FLVCR1: variants seen among roughly 807,000 people sequenced by gnomAD.
FLVCR1 encodes FLVCR choline and heme transporter 1, also known as choline/ethanolamine transporter FLVCR1.
Under a neutral mutation model 53.6 loss-of-function variants are expected in FLVCR1, and 34 were observed. That is an observed-to-expected ratio of 0.63 (90% CI 0.48 to 0.84). The LOEUF is 0.84. Among genes scored for constraint, FLVCR1 ranks in the 40% least tolerant of loss-of-function variants. The pLI is 0.00. For missense variants in FLVCR1, 677 were observed against 696.7 expected, an observed-to-expected ratio of 0.97 and a Z score of 0.32; for synonymous variants, 300 against 286.3, an observed-to-expected ratio of 1.05 and a Z score of -0.48.
In FLVCR1 at chr1:212,858,369, C is replaced by T. The variant is rs1664086694; in HGVS notation, c.-84C>T. 1.5e-6 allele frequency: 2 copies of T among 1,321,536 alleles called. No individual in the cohort carries two copies. Among genetic ancestry groups the T allele is most frequent in the East Asian group, 5.3e-5 (2 of 37,600 alleles). The allele number at this position is 1,321,536 out of a possible 1,614,324, so 81.9% of individuals were successfully genotyped here. ...GGGCCGAGGGGTTGGAGGTGGGGCC[C>T]CAGGAGGACCTCGGGCTGTGGGCCG... is the stretch of plus-strand genomic sequence containing the variant. On this transcript the variant is annotated 5_prime_UTR_variant, in exon 1 of 10. Transcript: ENST00000366971.
In FLVCR1 at chr1:212,858,691, G is replaced by A; in HGVS notation, c.239G>A (p.Arg80Gln). The change falls in exon 1 of 10, where the codon CGG (arginine) becomes CAG (glutamine). Residue 80 changes from arginine (R) to glutamine (Q), a missense_variant. By Grantham distance (43) the Arg-to-Gln change is conservative. Coordinates refer to ENST00000366971, the MANE Select transcript of FLVCR1 (RefSeq NM_014053.4). Reference sequence around the variant, plus strand: ...GCCCCAGAAGAGGAGACCCAGGCCCGGCTGCTGCCTGCGGGCGCGGGAGCT... The same window carrying A: ...GCCCCAGAAGAGGAGACCCAGGCCCAGCTGCTGCCTGCGGGCGCGGGAGCT... ...PLAPEEETQA[R>Q]LLPAGAGAET... 5.1e-6 allele frequency: 8 copies of A among 1,580,686 alleles called. No homozygotes were observed. The highest frequency in any genetic ancestry group is 6.9e-6 in the Non-Finnish European group (8 of 1,166,132).
In FLVCR1 at chr1:212,898,908, T is replaced by C. The variant is rs1027833868; in HGVS notation, c.*3618T>C. On this transcript the variant is annotated 3_prime_UTR_variant, in exon 10 of 10. Coordinates refer to ENST00000366971, the MANE Select transcript of FLVCR1 (RefSeq NM_014053.4). ...CAATGGTATCTGTGTAATCTAAACA[T>C]AGAACAGATAATACATTGTGCTACA... is the stretch of plus-strand genomic sequence containing the variant. The C allele has an allele frequency of 8.5e-5, 13 of 152,192 alleles. No individual in the cohort carries two copies. Among genetic ancestry groups the C allele is most frequent in the African/African-American group, 2.9e-4 (12 of 41,452 alleles). 9.4% of individuals were successfully genotyped at this position (152,192 alleles called of 1,614,324 possible).
chr1:212,894,395 C>A (rs895995837), intron 8 of FLVCR1, among the ~76,000 whole-genome samples: 1 of 152,050 alleles, frequency 6.6e-6, no homozygotes, highest in African/African-American at 2.4e-5. Flanking sequence ...CCTTGTGATC[C>A]ACCCACCTCG....
chr1:212,863,453 G>T (rs1314530652), intron 1 of FLVCR1, among the ~76,000 whole-genome samples: 1 of 152,018 alleles, frequency 6.6e-6, no homozygotes, highest in African/African-American at 2.4e-5. Flanking sequence ...GCTGGGCGTT[G>T]TGGCGCGCGC....
intron 3 of FLVCR1, among the ~76,000 whole-genome samples, chr1:212,878,307 C>G (rs1664821357): frequency 6.6e-6 from 1 of 152,054 alleles, no homozygotes; most frequent in Non-Finnish European, 1.5e-5. Flanking sequence ...TCGAGACCAT[C>G]CTGGCTAACA....
rs536197114 is a variant in FLVCR1, at chr1:212,876,581, G to T, written c.1024+3763G>T. 2.1e-3 allele frequency among the ~76,000 whole-genome samples: 323 copies of T among 152,102 alleles called. 1 individual carries two copies. Among genetic ancestry groups the T allele is most frequent in the African/African-American group, 7.3e-3 (301 of 41,482 alleles). On this transcript the variant is annotated intron_variant, in intron 3 of 9. Transcript: ENST00000366971. ...GGGTTTCACCATGTTGGCTAGGCTG[G>T]TCTCGAACTCCTGACCTCAGGTGAT... is the stretch of plus-strand genomic sequence containing the variant.
At chr1:212,887,688 G>A (rs2291773) in intron 5 of FLVCR1, among the ~76,000 whole-genome samples, 2 of 151,936 alleles carry the variant, frequency 1.3e-5, no homozygotes, top group Non-Finnish European at 2.9e-5. Flanking sequence ...CTGAGCATTC[G>A]ATATGGTGTG....
intron 8 of FLVCR1, among the ~76,000 whole-genome samples, chr1:212,891,881 T>C (rs1665203162): frequency 6.6e-6 from 1 of 152,232 alleles, no homozygotes; most frequent in Non-Finnish European, 1.5e-5. Flanking sequence ...AAATTAAGAA[T>C]GCTACTCCAG....
chr1:212,870,696 A>G (rs909205344), intron 2 of FLVCR1, among the ~76,000 whole-genome samples: 1 of 151,814 alleles, frequency 6.6e-6, no homozygotes, highest in Non-Finnish European at 1.5e-5. Context: ...GAAAAATCCT[A>G]ATTTCTAAAA....
chr1:212,893,021 C>T (rs1044896289), intron 8 of FLVCR1, among the ~76,000 whole-genome samples: 6 of 149,194 alleles, frequency 4.0e-5, no homozygotes, highest in Non-Finnish European at 7.4e-5. Context: ...ATTGCTGCAT[C>T]TTATGGTAAA....
At chr1:212,876,821 T>C (rs1289673899) in intron 3 of FLVCR1, among the ~76,000 whole-genome samples, 2 of 152,254 alleles carry the variant, frequency 1.3e-5, no homozygotes, top group African/African-American at 4.8e-5. Context: ...ATCTTTATAA[T>C]AGAATGATTT....
intron 3 of FLVCR1, among the ~76,000 whole-genome samples, chr1:212,880,047 A>C (rs938835508): frequency 6.6e-6 from 1 of 151,806 alleles, no homozygotes; most frequent in Non-Finnish European, 1.5e-5. Flanking sequence ...ATTAGATTCA[A>C]AATCACCATA....
At chr1:212,862,585 T>C (rs924495364) in intron 1 of FLVCR1, among the ~76,000 whole-genome samples, 26 of 152,260 alleles carry the variant, frequency 1.7e-4, no homozygotes, top group African/African-American at 5.3e-4. Flanking sequence ...TGTTGATAAA[T>C]GTTTGGGTTA....
rs1572032069 is a variant in FLVCR1, at chr1:212,895,849, C to T, written c.*559C>T. On this transcript the variant is annotated 3_prime_UTR_variant, in exon 10 of 10. Transcript: ENST00000366971. Reference sequence around the variant, plus strand: ...AAGGACAGCATTGGGATCAGGCTTTCAGATGACCTCTAAGATTTTTCCCAT... The same window carrying T: ...AAGGACAGCATTGGGATCAGGCTTTTAGATGACCTCTAAGATTTTTCCCAT... The T allele has an allele frequency of 6.4e-6, 1 of 156,470 alleles. No homozygotes were observed. Among genetic ancestry groups the T allele is most frequent in the East Asian group, 1.9e-4 (1 of 5,306 alleles). The allele number at this position is 156,470 out of a possible 1,614,324, so 9.7% of individuals were successfully genotyped here.
Position 212,895,389 on chromosome 1 carries a change from G to T in FLVCR1, c.*99G>T. On this transcript the variant is annotated 3_prime_UTR_variant, in exon 10 of 10. Transcript: ENST00000366971. ...AAGGCTGGGTTTGTATGTGGTGGGG[G>T]AATAAACACACTTACTTGAAAATTA... The T allele has an allele frequency of 1.2e-6, 1 of 813,142 alleles. No individual in the cohort carries two copies. Among genetic ancestry groups the T allele is most frequent in the Non-Finnish European group, 2.2e-6 (1 of 460,658 alleles). 50.4% of individuals were successfully genotyped at this position (813,142 alleles called of 1,614,324 possible).
At chr1:212,865,980 GGTTTTTTT>G (rs1664409308) in intron 2 of FLVCR1, among the ~76,000 whole-genome samples, 1 of 32,090 alleles carries the variant, frequency 3.1e-5, no homozygotes, top group South Asian at 2.2e-3. Flanking sequence ...TTTGGGGTTT[GGTTTTTTT>G]TTTTTTTTTT....
chr1:212,878,298 C>G (rs898123664), intron 3 of FLVCR1, among the ~76,000 whole-genome samples: 1 of 152,030 alleles, frequency 6.6e-6, no homozygotes, highest in Non-Finnish European at 1.5e-5. Context: ...GTCAGGAGAT[C>G]GAGACCATCC....
In FLVCR1 at chr1:212,860,268, C is replaced by T. The variant is rs532223954; in HGVS notation, c.738+1078C>T. 4.0e-4 allele frequency among the ~76,000 whole-genome samples: 60 copies of T among 150,824 alleles called. No homozygotes were observed. The South Asian group carries it at 0.012, about 31-fold the overall frequency. The stretch of plus-strand genomic sequence containing the variant: ...GTAGGTTGAACTATAGTTGTTTGTC[C>T]AAAATAATTTATGACTGATACTTGA... On this transcript the variant is annotated intron_variant, in intron 1 of 9. Coordinates refer to ENST00000366971, the MANE Select transcript of FLVCR1 (RefSeq NM_014053.4).
At chr1:212,877,627 G>T (rs1664792825) in intron 3 of FLVCR1, among the ~76,000 whole-genome samples, 1 of 150,652 alleles carries the variant, frequency 6.6e-6, no homozygotes, top group Non-Finnish European at 1.5e-5. Flanking sequence ...TCTTTGTCAG[G>T]TGGATAAATT....
Sources: allele counts gnomAD v4.1 joint callset (sites outside exome capture counted in the v4.1 genomes callset), GRCh38; gene constraint gnomAD v4.1.1; transcripts MANE v1.5; gene names NCBI Gene and HGNC (gene_info 2026-07-23, HGNC 2026-07-21).